ANK2: variants seen among roughly 807,000 people sequenced by gnomAD.
ANK2 encodes the protein ankyrin-2.
Under a neutral mutation model 360.5 loss-of-function variants are expected in ANK2, and 83 were observed. That is an observed-to-expected ratio of 0.23 (90% confidence interval 0.19 to 0.28). The LOEUF is 0.28. ANK2 is among the 10% of genes least tolerant of loss of function. The pLI, the probability that ANK2 is intolerant of heterozygous loss-of-function variation, is 1.00. For missense variants in ANK2, 4,201 were observed against 4,795.7 expected, an observed-to-expected ratio of 0.88 and a Z score of 3.66; for synonymous variants, 1,740 against 1,759.5, an observed-to-expected ratio of 0.99 and a Z score of 0.28.
chr4:112,741,640 T>G, the ANK2 span, among the ~76,000 whole-genome samples: 3 of 152,206 alleles, frequency 2.0e-5, no homozygotes, highest in Non-Finnish European at 2.9e-5. Context: ...TCCACTTGGA[T>G]TTCATTATTC....
chr4:112,721,985 T>G, the ANK2 span, among the ~76,000 whole-genome samples: 1 of 152,206 alleles, frequency 6.6e-6, no homozygotes, highest in Non-Finnish European at 1.5e-5. Context: ...TCATTTGTTA[T>G]CCTTCTAAAA....
At chr4:112,710,957 A>ATTTT in the ANK2 span, among the ~76,000 whole-genome samples, 11 of 146,156 alleles carry the variant, frequency 7.5e-5, no homozygotes, top group African/African-American at 2.3e-4. Context: ...TTATTTATTT[A>ATTTT]TTTTTTATTA....
intron 1 of ANK2, among the ~76,000 whole-genome samples, chr4:113,110,155 A>G (rs1333637188): frequency 3.3e-5 from 5 of 152,198 alleles, no homozygotes; most frequent in Non-Finnish European, 5.9e-5. Context: ...CCTCACAATC[A>G]TGGTGGAAGG....
chr4:113,236,349 T>C (rs919118848), intron 5 of ANK2, among the ~76,000 whole-genome samples: 1 of 152,178 alleles, frequency 6.6e-6, no homozygotes, highest in South Asian at 2.1e-4. Context: ...AAACAGGTTT[T>C]TCTACATTAC....
In ANK2 at chr4:113,358,068, G is replaced by T. The variant is rs773061896; in HGVS notation, c.9450G>T (p.Gly3150=). 1 of 1,613,966 alleles carries T rather than the reference G, an allele frequency of 6.2e-7. No homozygotes were observed. Among genetic ancestry groups the T allele is most frequent in the Admixed American group, 1.7e-5 (1 of 59,996 alleles). The part of the protein sequence containing the change: ...EETLSEDVKE[G]ATGADPLPLE... ...CTCTCTCTGAAGATGTGAAAGAAGG[G>T]GCTACTGGGGCTGATCCCCTACCGC... The change falls in exon 38 of 46, where the codon GGG becomes GGT. Residue 3150 remains glycine (G), a synonymous_variant. Transcript: ENST00000357077.
intron 2 of ANK2, among the ~76,000 whole-genome samples, chr4:113,020,920 A>G (rs1271942951): frequency 6.6e-6 from 1 of 152,126 alleles, no homozygotes. Context: ...GGATAAGGAT[A>G]TAAAATCAGG....
intron 1 of ANK2, among the ~76,000 whole-genome samples, chr4:112,899,220 C>T (rs771630199): frequency 6.6e-6 from 1 of 152,092 alleles, no homozygotes; most frequent in African/African-American, 2.4e-5. Context: ...ACTTCTTTAA[C>T]AGAATACAGA....
intron 1 of ANK2, among the ~76,000 whole-genome samples, chr4:113,128,111 G>A (rs1014866137): frequency 6.6e-6 from 1 of 152,152 alleles, no homozygotes; most frequent in African/African-American, 2.4e-5. Context: ...ATTAATTGCA[G>A]AGACTTTATA....
chr4:113,345,086 A>G (rs1216547807), intron 34 of ANK2, among the ~76,000 whole-genome samples: 1 of 152,206 alleles, frequency 6.6e-6, no homozygotes, highest in African/African-American at 2.4e-5. Flanking sequence ...GATACGTTTT[A>G]TGTTACATAT....
In ANK2 at chr4:113,021,524, A is replaced by C. The variant is rs1400749433; in HGVS notation, c.21+117010A>C. Among the ~76,000 whole-genome samples, 119 of 61,084 alleles carry C rather than the reference A, an allele frequency of 1.9e-3. 1 individual carries two copies. Among genetic ancestry groups the C allele is most frequent in the Admixed American group, 5.5e-3 (27 of 4,876 alleles). The allele number at this position is 61,084 out of a possible 152,430, so 40.1% of individuals were successfully genotyped here. A position where few individuals can be genotyped will look rare whatever the true frequency, so the allele number is the denominator to read the frequency against. On this transcript the variant is annotated intron_variant, in intron 2 of 30. Coordinates refer to the ANK2 transcript ENST00000503271. Reference sequence around the variant, plus strand: ...ATATATTATGTGTATATATACACACACACACCCACACACAAACATATATAT... The same window carrying C: ...ATATATTATGTGTATATATACACACCCACACCCACACACAAACATATATAT...
chr4:113,213,125 G>A (rs1329490640), intron 4 of ANK2, among the ~76,000 whole-genome samples: 1 of 152,144 alleles, frequency 6.6e-6, no homozygotes, highest in African/African-American at 2.4e-5. Context: ...GAAAATAGAA[G>A]TCCAACTAAC....
rs2096008177 is a variant in ANK2, at chr4:113,358,891, G to A, written c.10273G>A (p.Glu3425Lys). Residue 3425 changes from glutamate (E) to lysine (K), a missense_variant, in exon 38 of 46, where the codon GAG becomes AAG. By Grantham distance (56) the Glu-to-Lys change is moderately conservative. This residue lies in a region of ANK2 where 2,642 missense variants were observed against 2,714.5 expected (regional missense o/e 0.97). Transcript: ENST00000357077. The stretch of plus-strand genomic sequence containing the variant: ...GAGCAGAGAGAGGGCCGAGGAACTT[G>A]AGTTAGAATCAGAAGAAGGGGCCAC... ...TESRERAEELELESEEGATRP... is the reference protein window; with the variant it reads ...TESRERAEELKLESEEGATRP... The A allele has an allele frequency of 6.2e-7, 1 of 1,614,032 alleles. No individual in the cohort carries two copies. Among genetic ancestry groups the A allele is most frequent in the East Asian group, 2.2e-5 (1 of 44,866 alleles).
At chr4:113,139,463 C>G (rs1032957783) in intron 1 of ANK2, among the ~76,000 whole-genome samples, 2 of 152,212 alleles carry the variant, frequency 1.3e-5, no homozygotes, top group African/African-American at 2.4e-5. Flanking sequence ...ACTTGACCCT[C>G]TCTTCAAAAA....
intron 2 of ANK2, among the ~76,000 whole-genome samples, chr4:112,951,391 T>C (rs2094981916): frequency 1.3e-5 from 2 of 152,212 alleles, no homozygotes; most frequent in Non-Finnish European, 2.9e-5. Context: ...GCAGGAGTTA[T>C]TTTGATAACT....
chr4:112,739,471 C>T, the ANK2 span, among the ~76,000 whole-genome samples: 6 of 151,976 alleles, frequency 3.9e-5, no homozygotes, highest in African/African-American at 7.2e-5. Context: ...AAAATTAGCC[C>T]GGCGTGGTGG....
At chr4:113,200,650 A>G (rs2098816214) in intron 4 of ANK2, among the ~76,000 whole-genome samples, 1 of 152,152 alleles carries the variant, frequency 6.6e-6, no homozygotes, top group African/African-American at 2.4e-5. Flanking sequence ...GCTGCAAAGG[A>G]TGTAATTTCA....
intron 1 of ANK2, among the ~76,000 whole-genome samples, chr4:112,897,650 C>A (rs1444763591): frequency 6.6e-6 from 1 of 152,074 alleles, no homozygotes; most frequent in East Asian, 1.9e-4. Context: ...ATGGGGGAGG[C>A]CAGATGGATG....
chr4:113,031,564 C>G lies in ANK2; in HGVS notation c.21+127050C>G, dbSNP rs184004781. 5 of 145,430 alleles carry G rather than the reference C, an allele frequency of 3.4e-5. No homozygotes were observed. The East Asian group carries it at 1.1e-3, about 31-fold the overall frequency. The allele number at this position is 145,430 out of a possible 1,614,324, so 9.0% of individuals were successfully genotyped here. On this transcript the variant is annotated intron_variant, in intron 2 of 30. Transcript: ENST00000503271. ...AAGATATTATTTCATCTCCCTCCCT[C>G]CCACCCCATTTCTATTTTTTTGGTA...
Position 113,373,091 on chromosome 4 carries a change from G to A in ANK2, c.11612G>A (p.Gly3871Glu), listed in dbSNP as rs760993748. ...RLDEDAAFEK[G>E]DDMPEIPPET... ...GACCCTTTTCTCTCAACTGTTTAGG[G>A]AGACGATATGCCTGAAATACCCCCA... Residue 3871 changes from glycine (G) to glutamate (E), a missense_variant and splice_region_variant, in exon 44 of 46, where the codon GGA becomes GAA. Gly to Glu is a moderately conservative substitution (Grantham distance 98). Coordinates refer to ENST00000357077, the MANE Select transcript of ANK2 (RefSeq NM_001148.6). The A allele has an allele frequency of 6.2e-7, 1 of 1,613,892 alleles. No homozygotes were observed. The highest frequency in any genetic ancestry group is 2.2e-5 in the East Asian group (1 of 44,878).
Sources: allele counts gnomAD v4.1 joint callset (sites outside exome capture counted in the v4.1 genomes callset), GRCh38; gene constraint gnomAD v4.1.1; regional missense constraint gnomAD v4.1.1; transcripts MANE v1.5; gene names NCBI Gene and HGNC (gene_info 2026-07-23, HGNC 2026-07-21).